Variants in TTLL5 observed in about 807,000 individuals in gnomAD.
The protein encoded by TTLL5 is tubulin polyglutamylase TTLL5.
TTLL5 carries 132 observed loss-of-function variants against 168.4 expected under a neutral mutation model. The observed-to-expected ratio is 0.78, with a 90% CI of 0.68 to 0.91. The LOEUF (loss-of-function observed/expected upper bound fraction) is 0.91, where lower values mean the gene tolerates loss of function less well. Ranked by LOEUF, TTLL5 falls within the 40% of genes least tolerant of loss-of-function variation. The pLI, the probability that TTLL5 is intolerant of heterozygous loss-of-function variation, is 0.00. For synonymous variants in TTLL5, 546 were observed against 558.6 expected (o/e 0.98, Z 0.32); for missense variants, 1,545 against 1,581.5 (o/e 0.98, Z 0.39).
chr14:75,692,208 T>C (rs1002901344), intron 6 of TTLL5, among the ~76,000 whole-genome samples: 5 of 152,190 alleles, frequency 3.3e-5, no homozygotes, highest in Non-Finnish European at 7.3e-5. Context: ...GGTTAGTATG[T>C]GGAAATCACT....
In TTLL5 at chr14:75,903,942, G is replaced by C. The variant is rs553366299; in HGVS notation, c.3823+1718G>C. ...GCCAGTTACTTGACTACATCCTGGG[G>C]ATAATTATATGTATCTCATAAGGCT... On this transcript the variant is annotated intron_variant, in intron 31 of 31. Coordinates refer to ENST00000298832, the MANE Select transcript of TTLL5 (RefSeq NM_015072.5). The C allele has an allele frequency of 1.2e-4, 37 of 301,264 alleles. No homozygotes were observed. The South Asian group carries it at 4.0e-3, about 33-fold the overall frequency. 18.7% of individuals were successfully genotyped at this position (301,264 alleles called of 1,614,324 possible).
intron 6 of TTLL5, among the ~76,000 whole-genome samples, chr14:75,695,758 G>A (rs1181519691): frequency 6.6e-6 from 1 of 151,882 alleles, no homozygotes; most frequent in Non-Finnish European, 1.5e-5. Flanking sequence ...TCACAAAGTA[G>A]AGGGTACTGT....
intron 27 of TTLL5, among the ~76,000 whole-genome samples, chr14:75,817,748 T>A (rs1225825994): frequency 1.3e-5 from 2 of 152,082 alleles, no homozygotes; most frequent in South Asian, 4.1e-4. Context: ...CATTCAGCTT[T>A]GTGTCTTCTC....
chr14:75,782,322 T>G (rs1334688663), intron 24 of TTLL5, among the ~76,000 whole-genome samples, 165 bp from the exon 25 acceptor site: 1 of 152,180 alleles, frequency 6.6e-6, no homozygotes, highest in Non-Finnish European at 1.5e-5. Flanking sequence ...TGCCTACTCC[T>G]TAGGGCTGTG....
chr14:75,832,107 A>ACCC (rs1895602375), intron 28 of TTLL5, among the ~76,000 whole-genome samples: 1 of 152,034 alleles, frequency 6.6e-6, no homozygotes, highest in Admixed American at 6.5e-5. Context: ...ACACACCCCC[A>ACCC]CCCCCACAGC....
chr14:75,665,574 A>G (rs976193719), intron 2 of TTLL5, among the ~76,000 whole-genome samples: 1 of 152,170 alleles, frequency 6.6e-6, no homozygotes, highest in Non-Finnish European at 1.5e-5. Context: ...AATACCTGTA[A>G]TTGGCCAGGT....
chr14:75,787,740 C>T (rs558756602), intron 26 of TTLL5, among the ~76,000 whole-genome samples: 3 of 152,134 alleles, frequency 2.0e-5, no homozygotes, highest in African/African-American at 7.2e-5. Context: ...ATCTGTCATA[C>T]CCTACATCAT....
intron 1 of TTLL5, among the ~76,000 whole-genome samples, chr14:75,662,094 C>G (rs79658355): frequency 1.3e-5 from 2 of 152,180 alleles, no homozygotes; most frequent in South Asian, 4.2e-4. Context: ...TGGAAATTTC[C>G]TAATTTCATC....
intron 12 of TTLL5, among the ~76,000 whole-genome samples, chr14:75,728,085 G>A (rs907171719): frequency 6.6e-6 from 1 of 152,216 alleles, no homozygotes; most frequent in Admixed American, 6.5e-5. Context: ...GCTGGGCACA[G>A]TGGCTCACGC....
At chr14:75,948,047 T>C (rs2034832887) in intron 31 of TTLL5, among the ~76,000 whole-genome samples, 1 of 152,094 alleles carries the variant, frequency 6.6e-6, no homozygotes, top group Non-Finnish European at 1.5e-5. Flanking sequence ...TTCTTTGCAA[T>C]CTTCTATGGG....
chr14:75,687,437 A>ATT (rs894469465), intron 5 of TTLL5, among the ~76,000 whole-genome samples: 3 of 151,518 alleles, frequency 2.0e-5, no homozygotes, highest in Non-Finnish European at 4.4e-5. Context: ...CGGCTGGCTG[A>ATT]TTTTTTTTGT....
intron 31 of TTLL5, among the ~76,000 whole-genome samples, chr14:75,914,033 A>AAAAAATATATATATATAT: frequency 1.4e-5 from 1 of 71,118 alleles, no homozygotes; most frequent in Non-Finnish European, 2.1e-5. Context: ...AAAAAAAAAA[A>AAAAAATATATATATATAT]ATATATATAT....
At chr14:75,938,551 G>T (rs950060309) in intron 31 of TTLL5, among the ~76,000 whole-genome samples, 4 of 152,168 alleles carry the variant, frequency 2.6e-5, no homozygotes, top group African/African-American at 9.7e-5. Flanking sequence ...AACCTGTAGT[G>T]CCCTTTATAA....
intron 31 of TTLL5, among the ~76,000 whole-genome samples, chr14:75,951,576 A>G (rs2034962329): frequency 6.6e-6 from 1 of 152,016 alleles, no homozygotes; most frequent in Non-Finnish European, 1.5e-5. Context: ...CCTGGGCAAC[A>G]TGGCAAAACT....
At chr14:75,889,674 C>CAAA (rs1484260089) in intron 30 of TTLL5, among the ~76,000 whole-genome samples, 2 of 151,830 alleles carry the variant, frequency 1.3e-5, no homozygotes, top group Admixed American at 1.3e-4. Context: ...CCAAAATATA[C>CAAA]AAAAATTAGC....
Position 75,949,412 on chromosome 14 carries a change from T to G in TTLL5, c.3824-5012T>G, listed in dbSNP as rs554726799. On this transcript the variant is annotated intron_variant, in intron 31 of 31. Transcript: ENST00000298832. ...ATAGGATATAGAATATATATATGGT[T>G]TTATAGAGTATATATATATTCTATA... Among the ~76,000 whole-genome samples, 8 of 141,662 alleles carry G rather than the reference T, an allele frequency of 5.6e-5. No homozygotes were observed. In the East Asian group the frequency reaches 1.6e-3, roughly 28 times the overall value. 92.9% of individuals were successfully genotyped at this position (141,662 alleles called of 152,430 possible).
At chr14:75,935,335 G>T (rs965178591) in intron 31 of TTLL5, among the ~76,000 whole-genome samples, 7 of 152,224 alleles carry the variant, frequency 4.6e-5, no homozygotes, top group Admixed American at 1.3e-4. Flanking sequence ...GCTCTAAGGA[G>T]CTGTCAATAG....
At chr14:75,692,300 T>C (rs1257386742) in intron 6 of TTLL5, among the ~76,000 whole-genome samples, 1 of 152,222 alleles carries the variant, frequency 6.6e-6, no homozygotes, top group Non-Finnish European at 1.5e-5. Flanking sequence ...TAGTAATAGT[T>C]ATGTTTAACT....
At chr14:75,916,027 A>T (rs1378526831) in intron 31 of TTLL5, among the ~76,000 whole-genome samples, 1 of 152,066 alleles carries the variant, frequency 6.6e-6, no homozygotes, top group African/African-American at 2.4e-5. Flanking sequence ...TTCTTGGGAG[A>T]CAGAGGCAGG....
Sources: gnomAD v4.1 joint callset for allele counts (sites outside exome capture counted in the v4.1 genomes callset) on GRCh38, gnomAD v4.1.1 for gene constraint, MANE v1.5 for transcripts, NCBI Gene and HGNC (gene_info 2026-07-23, HGNC 2026-07-21) for gene names.